Variants in RPS6KA2 observed in about 807,000 individuals in gnomAD.
RPS6KA2 encodes the protein ribosomal protein S6 kinase alpha-2.
Under a neutral mutation model 91.8 loss-of-function variants are expected in RPS6KA2, and 42 were observed. The ratio of observed to expected loss-of-function variants is 0.46; its 90% CI spans 0.36 to 0.59. The LOEUF (loss-of-function observed/expected upper bound fraction) is 0.59, where lower values mean the gene tolerates loss of function less well. RPS6KA2 is among the 20% of genes least tolerant of loss of function. RPS6KA2 has a pLI of 0.00. For synonymous variants in RPS6KA2, 414 were observed against 393.6 expected (o/e 1.05, Z -0.61); for missense variants, 798 against 978.5 (o/e 0.82, Z 2.46).
At chr6:166,489,014 C>T in intron 9 of RPS6KA2, 93 bp from the exon 10 acceptor site, 1 of 1,066,438 alleles carries the variant, frequency 9.4e-7, no homozygotes, top group Middle Eastern at 2.0e-4. Flanking sequence ...ACCTCAATCG[C>T]AGTCACCCAG....
At chr6:166,572,593 CT>C (rs1784721884) in intron 1 of RPS6KA2, among the ~76,000 whole-genome samples, 1 of 152,238 alleles carries the variant, frequency 6.6e-6, no homozygotes, top group Non-Finnish European at 1.5e-5. Context: ...GCCTGTTGCC[CT>C]GTGGCAGAGC....
At chr6:166,796,371 AC>A (rs1185160070) in intron 2 of RPS6KA2, among the ~76,000 whole-genome samples, 3 of 152,138 alleles carry the variant, frequency 2.0e-5, no homozygotes, top group African/African-American at 7.2e-5. Flanking sequence ...CGGGCGGATC[AC>A]GAGGTCAAGA....
At chr6:166,478,328 C>T (rs896817320) in intron 10 of RPS6KA2, among the ~76,000 whole-genome samples, 8 of 152,212 alleles carry the variant, frequency 5.3e-5, no homozygotes, top group Non-Finnish European at 2.9e-5. Context: ...ATCATAAAAG[C>T]TTGGTCTTGA....
rs532179340 is a variant in RPS6KA2, at chr6:166,419,763, C to T, written c.1820+119G>A. 13 of 786,234 alleles carry T rather than the reference C, an allele frequency of 1.7e-5. No individual in the cohort carries two copies. The highest frequency in any genetic ancestry group is 6.1e-5 in the Admixed American group (3 of 49,002). The allele number at this position is 786,234 out of a possible 1,614,324, so 48.7% of individuals were successfully genotyped here. On this transcript the variant is annotated intron_variant, in intron 18 of 20. Transcript: ENST00000265678. The surrounding 1 kb of genome is among the most constrained non-coding windows in gnomAD (Gnocchi z 5.6). ...CAAGGCCTGGGAGTGTTTGCATACA[C>T]GTTGGGTTTGCCCACATGCGCACAC...
At chr6:166,425,609 T>C (rs1778883398) in intron 16 of RPS6KA2, among the ~76,000 whole-genome samples, 1 of 152,068 alleles carries the variant, frequency 6.6e-6, no homozygotes, top group South Asian at 2.1e-4. Flanking sequence ...GAGGAAGATC[T>C]ACCAAGCAAA....
At chr6:166,573,969 A>T (rs1337194712) in intron 1 of RPS6KA2, among the ~76,000 whole-genome samples, 1 of 152,126 alleles carries the variant, frequency 6.6e-6, no homozygotes, top group Admixed American at 6.5e-5. Flanking sequence ...CAGGATCTTT[A>T]AAAGGACTCT....
intron 11 of RPS6KA2, among the ~76,000 whole-genome samples, chr6:166,469,109 AC>A (rs1237833273): frequency 6.6e-6 from 1 of 152,016 alleles, no homozygotes; most frequent in Non-Finnish European, 1.5e-5. Context: ...AGCCGCGAGA[AC>A]TCCCTGTGTG....
chr6:166,579,183 T>C (rs970967666), intron 1 of RPS6KA2, among the ~76,000 whole-genome samples: 6 of 152,254 alleles, frequency 3.9e-5, no homozygotes, highest in African/African-American at 1.4e-4. Flanking sequence ...TTTATGCTGT[T>C]TAGAAAACAA....
At chr6:166,774,226 C>T (rs531373069) in intron 2 of RPS6KA2, among the ~76,000 whole-genome samples, 24 of 152,226 alleles carry the variant, frequency 1.6e-4, no homozygotes, top group African/African-American at 5.8e-4. Flanking sequence ...AAAGGTGTTC[C>T]GTGTGCTCAC....
intron 1 of RPS6KA2, among the ~76,000 whole-genome samples, chr6:166,598,891 C>T (rs186346562): frequency 6.6e-5 from 10 of 152,348 alleles, no homozygotes; most frequent in South Asian, 2.1e-4. Context: ...CCATCAGACA[C>T]GGCTCACTCT....
chr6:166,561,785 C>A (rs538912460), intron 1 of RPS6KA2, among the ~76,000 whole-genome samples: 1 of 152,006 alleles, frequency 6.6e-6, no homozygotes, highest in African/African-American at 2.4e-5. Flanking sequence ...AAGAAGAAGA[C>A]GATGGGCTGC....
rs76789555 is a variant in RPS6KA2, at chr6:166,495,190, G to A, written c.747+3318C>T. 0.018 allele frequency among the ~76,000 whole-genome samples: 2,724 copies of A among 152,288 alleles called. 87 individuals are homozygous for A. The highest frequency in any genetic ancestry group is 0.063 in the African/African-American group (2,612 of 41,544). ...CATTTCTGTGCACAGAAAGAATACC[G>A]TCTTTCCTGCCCGGCTTGGAGATTG... is the stretch of plus-strand genomic sequence containing the variant. On this transcript the variant is annotated intron_variant, in intron 8 of 20. Coordinates refer to ENST00000265678, the MANE Select transcript of RPS6KA2 (RefSeq NM_021135.6). The surrounding 1 kb of genome is among the most constrained non-coding windows in gnomAD (Gnocchi z 4.4).
At chr6:166,742,703 A>G (rs1426491125) in intron 2 of RPS6KA2, among the ~76,000 whole-genome samples, 1 of 152,180 alleles carries the variant, frequency 6.6e-6, no homozygotes, top group African/African-American at 2.4e-5. Context: ...AACATGCCAC[A>G]CTGCATACTT....
chr6:166,681,460 C>T (rs1305744467), intron 2 of RPS6KA2, among the ~76,000 whole-genome samples: 1 of 152,186 alleles, frequency 6.6e-6, no homozygotes, highest in African/African-American at 2.4e-5. Flanking sequence ...CTGCACCCTC[C>T]ACACGGCATC....
chr6:166,525,941 G>A (rs963920863), intron 3 of RPS6KA2, among the ~76,000 whole-genome samples: 5 of 152,168 alleles, frequency 3.3e-5, no homozygotes, highest in Non-Finnish European at 7.4e-5. Context: ...AAACTTGGAG[G>A]TCCCTTTGAG....
At chr6:166,605,923 G>A (rs1785937405) in intron 1 of RPS6KA2, among the ~76,000 whole-genome samples, 2 of 152,208 alleles carry the variant, frequency 1.3e-5, no homozygotes, top group South Asian at 4.1e-4. Context: ...TACTTTGCAG[G>A]TTGATGTGAT....
chr6:166,571,864 T>C (rs920009193), intron 1 of RPS6KA2, among the ~76,000 whole-genome samples: 1 of 152,220 alleles, frequency 6.6e-6, no homozygotes, highest in African/African-American at 2.4e-5. Flanking sequence ...GACTTCCTTT[T>C]TAGAATTTTT....
At position 166,855,508 on chromosome 6, in the gene RPS6KA2, GAAGAAGAAT is replaced by G. The variant is rs201917314; in HGVS notation, c.123+2683_123+2691del. Among the ~76,000 whole-genome samples, 16 of 138,736 alleles carry G rather than the reference GAAGAAGAAT, an allele frequency of 1.2e-4. No individual in the cohort carries two copies. The East Asian group carries it at 3.3e-3, about 28-fold the overall frequency. 91.0% of individuals were successfully genotyped at this position (138,736 alleles called of 152,430 possible). A position where few individuals can be genotyped will look rare whatever the true frequency, so the allele number is the denominator to read the frequency against. ...AGAAGAGGAAGAAGAAGAGGAAGAA[GAAGAAGAAT>G]AAGAAGGGTTTTGTGATTGTGGTTC... On this transcript the variant is annotated intron_variant, in intron 2 of 21. Coordinates refer to the RPS6KA2 transcript ENST00000503859.
chr6:166,826,201 C>CA (rs1780044231), intron 2 of RPS6KA2, among the ~76,000 whole-genome samples: 1 of 152,178 alleles, frequency 6.6e-6, no homozygotes, highest in Non-Finnish European at 1.5e-5. Context: ...CCATTAAACT[C>CA]TATGTTCATA....
Sources: gnomAD v4.1 joint callset for allele counts (sites outside exome capture counted in the v4.1 genomes callset) on GRCh38, gnomAD v4.1.1 for gene constraint, Gnocchi (gnomAD v3.1) non-coding constraint, MANE v1.5 for transcripts, NCBI Gene and HGNC (gene_info 2026-07-23, HGNC 2026-07-21) for gene names.